The following BNC2 variants were observed in gnomAD, a reference collection of about 807,000 sequenced individuals.
BNC2 encodes the protein zinc finger protein basonuclin-2.
BNC2 carries 20 observed loss-of-function variants against 76.3 expected under a neutral mutation model. The observed-to-expected ratio is 0.26, with a 90% CI of 0.18 to 0.38. The LOEUF (loss-of-function observed/expected upper bound fraction) is 0.38. Ranked by LOEUF, BNC2 falls within the 10% of genes least tolerant of loss-of-function variation. The pLI is 1.00. For missense variants in BNC2, 1,382 were observed against 1,399.8 expected, an observed-to-expected ratio of 0.99 and a Z score of 0.20; for synonymous variants, 582 against 514.8, an observed-to-expected ratio of 1.13 and a Z score of -1.77.
chr9:16,691,649 A>G (rs1184164118), intron 3 of BNC2, among the ~76,000 whole-genome samples: 1 of 151,120 alleles, frequency 6.6e-6, no homozygotes, highest in African/African-American at 2.4e-5. Flanking sequence ...AGCTGGGACT[A>G]CAAGCACCCA....
At chr9:16,729,277 C>T (rs1824439995) in intron 2 of BNC2, among the ~76,000 whole-genome samples, 1 of 152,180 alleles carries the variant, frequency 6.6e-6, no homozygotes, top group African/African-American at 2.4e-5. Flanking sequence ...AGGAAAAAGC[C>T]ATCCTTCCTA....
At chr9:16,440,020 C>A (rs1426658096) in intron 5 of BNC2, among the ~76,000 whole-genome samples, 2 of 152,236 alleles carry the variant, frequency 1.3e-5, no homozygotes, top group Admixed American at 6.5e-5. Context: ...CAGTTGGTAT[C>A]ATTCACATTC....
At chr9:16,547,564 TAGG>T (rs1379582902) in intron 5 of BNC2, among the ~76,000 whole-genome samples, 4 of 152,224 alleles carry the variant, frequency 2.6e-5, no homozygotes, top group Non-Finnish European at 5.9e-5. Flanking sequence ...TAAATTGTGA[TAGG>T]AGTTTGAAGG....
intron 1 of BNC2, among the ~76,000 whole-genome samples, chr9:16,846,835 C>T (rs934172542): frequency 1.3e-5 from 2 of 152,142 alleles, no homozygotes; most frequent in Non-Finnish European, 2.9e-5. Context: ...AAAAAGAAAT[C>T]CTATAAAATT....
chr9:16,729,529 A>G (rs1457662140), intron 2 of BNC2, among the ~76,000 whole-genome samples: 1 of 150,960 alleles, frequency 6.6e-6, no homozygotes, highest in Non-Finnish European at 1.5e-5. Context: ...ACATCTCCTG[A>G]AAGCTTTTCT....
At chr9:16,485,132 T>C (rs774739403) in intron 5 of BNC2, among the ~76,000 whole-genome samples, 1 of 135,542 alleles carries the variant, frequency 7.4e-6, no homozygotes, top group South Asian at 2.4e-4. Context: ...ACACACACAC[T>C]ATTTCTATTT....
chr9:16,646,850 G>C (rs529192419), intron 3 of BNC2, among the ~76,000 whole-genome samples: 1 of 152,150 alleles, frequency 6.6e-6, no homozygotes, highest in Non-Finnish European at 1.5e-5. Context: ...TATTGTAACA[G>C]CTGGGAATCC....
intron 5 of BNC2, among the ~76,000 whole-genome samples, chr9:16,456,433 A>G (rs1821450183): frequency 6.6e-6 from 1 of 151,424 alleles, no homozygotes; most frequent in African/African-American, 2.4e-5. Context: ...TGGGAGGCTG[A>G]GGCAGGAGAA....
rs1427557578 is a variant in BNC2 at position 16,411,292 on chromosome 9, T to C, written c.*7697A>G. ...GGCAACAGGAAGCCCTATAAAATCT[T>C]GGTATAGCACTTAGATACTCTCTCT... On this transcript the variant is annotated 3_prime_UTR_variant, in exon 7 of 7. Coordinates refer to ENST00000380672, the MANE Select transcript of BNC2 (RefSeq NM_017637.6). 6.6e-6 allele frequency: 1 copy of C among 152,662 alleles called. No homozygotes were observed. Among genetic ancestry groups the C allele is most frequent in the Non-Finnish European group, 1.5e-5 (1 of 68,046 alleles). The allele number at this position is 152,662 out of a possible 1,614,324, so 9.5% of individuals were successfully genotyped here. A position where few individuals can be genotyped will look rare whatever the true frequency, so the allele number is the denominator to read the frequency against.
At chr9:16,572,898 C>A (rs1819366173) in intron 4 of BNC2, among the ~76,000 whole-genome samples, 3 of 152,078 alleles carry the variant, frequency 2.0e-5, no homozygotes, top group African/African-American at 7.2e-5. Flanking sequence ...AATATATTCT[C>A]TCATACCTAG....
chr9:16,478,300 C>T (rs1483794674), intron 5 of BNC2, among the ~76,000 whole-genome samples: 1 of 152,188 alleles, frequency 6.6e-6, no homozygotes, highest in Non-Finnish European at 1.5e-5. Context: ...TCTGCAGACC[C>T]TTCACCACCC....
intron 3 of BNC2, among the ~76,000 whole-genome samples, chr9:16,632,483 G>A (rs1179110904): frequency 2.6e-5 from 4 of 151,790 alleles, no homozygotes; most frequent in Non-Finnish European, 5.9e-5. Context: ...CATTTTATCA[G>A]GTCACATTCT....
intron 5 of BNC2, among the ~76,000 whole-genome samples, chr9:16,500,356 A>G (rs965440117): frequency 4.2e-4 from 64 of 152,148 alleles, no homozygotes; most frequent in African/African-American, 1.5e-3. Flanking sequence ...TTCTTATTTA[A>G]TGTTTACCCT....
intron 1 of BNC2, among the ~76,000 whole-genome samples, chr9:16,841,479 T>C (rs995407938): frequency 6.6e-6 from 1 of 152,190 alleles, no homozygotes; most frequent in Non-Finnish European, 1.5e-5. Flanking sequence ...CCTCAAAATG[T>C]AGATATCCTG....
chr9:16,635,443 A>G (rs1185130349), intron 3 of BNC2, among the ~76,000 whole-genome samples: 1 of 152,208 alleles, frequency 6.6e-6, no homozygotes, highest in African/African-American at 2.4e-5. Context: ...ACTTTATTTA[A>G]TATTTTATAA....
intron 1 of BNC2, among the ~76,000 whole-genome samples, chr9:16,818,171 G>A (rs1249967080): frequency 2.0e-5 from 3 of 152,262 alleles, no homozygotes; most frequent in Middle Eastern, 3.4e-3. Flanking sequence ...TTGGGAGGCG[G>A]AGGTGGGCAG....
intron 1 of BNC2, among the ~76,000 whole-genome samples, chr9:16,780,554 G>C (rs2135547383): frequency 6.7e-6 from 1 of 149,364 alleles, no homozygotes; most frequent in South Asian, 2.2e-4. Context: ...CCTGGCGACA[G>C]GGCAAGACTC....
chr9:16,582,896 C>CACAG, intron 4 of BNC2, 87 bp downstream of exon 4: 1 of 687,050 alleles, frequency 1.5e-6, no homozygotes, highest in Non-Finnish European at 2.5e-6. Context: ...TAAACAGACA[C>CACAG]ACACACACAC....
chr9:16,697,416 G>T (rs1216519526), intron 3 of BNC2, among the ~76,000 whole-genome samples: 2 of 151,244 alleles, frequency 1.3e-5, no homozygotes, highest in Non-Finnish European at 2.9e-5. Flanking sequence ...GTCAACATAT[G>T]CTGAAATCTA....
Sources: allele counts gnomAD v4.1 joint callset (sites outside exome capture counted in the v4.1 genomes callset), GRCh38; gene constraint gnomAD v4.1.1; transcripts MANE v1.5; gene names NCBI Gene and HGNC (gene_info 2026-07-23, HGNC 2026-07-21).